AMBRA1: variants seen among roughly 807,000 people sequenced by gnomAD.
AMBRA1 encodes the protein autophagy and beclin 1 regulator 1.
Under a neutral mutation model 125.4 loss-of-function variants are expected in AMBRA1, and 47 were observed. That is an observed-to-expected ratio of 0.37 (90% CI 0.30 to 0.48). The LOEUF (loss-of-function observed/expected upper bound fraction) is 0.48, where lower values mean the gene tolerates loss of function less well. Among genes scored for constraint, AMBRA1 ranks in the 20% least tolerant of loss-of-function variants. The probability of loss-of-function intolerance (pLI) is 0.99; values close to 1 mark genes in which losing one functional copy is unlikely to be tolerated. For synonymous variants in AMBRA1, 626 were observed against 655.5 expected (o/e 0.95, Z 0.69); for missense variants, 1,331 against 1,693.4 (o/e 0.79, Z 3.76).
chr11:46,555,566 A>C (rs775850099), intron 1 of AMBRA1, among the ~76,000 whole-genome samples: 42 of 152,216 alleles, frequency 2.8e-4, no homozygotes, highest in Non-Finnish European at 5.6e-4. Flanking sequence ...AATAGGGCCA[A>C]CTGAAACCCC....
chr11:46,573,882 T>C (rs1344004294), intron 1 of AMBRA1, among the ~76,000 whole-genome samples: 11 of 140,280 alleles, frequency 7.8e-5, no homozygotes, highest in African/African-American at 1.6e-4. Context: ...GATCTCATTG[T>C]TCAATTCCCA....
intron 11 of AMBRA1, 81 bp from the exon 12 acceptor site, chr11:46,443,679 T>C: frequency 8.3e-7 from 1 of 1,211,868 alleles, no homozygotes; most frequent in Non-Finnish European, 1.2e-6. Context: ...ATACTGGGAT[T>C]AGTAGTGGGG....
In AMBRA1 at chr11:46,583,652, C is replaced by CAAAAAAAAAAAAAAAAAAAAAAAAA. The variant is rs1398623719; in HGVS notation, c.-121+10151_-121+10175dup. 2.5e-3 allele frequency among the ~76,000 whole-genome samples: 32 copies of CAAAAAAAAAAAAAAAAAAAAAAAAA among 12,552 alleles called. 4 individuals are homozygous for CAAAAAAAAAAAAAAAAAAAAAAAAA. Among genetic ancestry groups the CAAAAAAAAAAAAAAAAAAAAAAAAA allele is most frequent in the East Asian group, 8.9e-3 (3 of 336 alleles). 8.2% of individuals were successfully genotyped at this position (12,552 alleles called of 152,430 possible). ...TCTACAATGAACTCAAACAAATTTC[C>CAAAAAAAAAAAAAAAAAAAAAAAAA]AAAAAAAAAAAAAAAAAAAAAAAAA... On this transcript the variant is annotated intron_variant, in intron 1 of 17. Transcript: ENST00000683756.
intron 1 of AMBRA1, among the ~76,000 whole-genome samples, chr11:46,592,358 G>A (rs2044633370): frequency 6.6e-6 from 1 of 152,126 alleles, no homozygotes; most frequent in South Asian, 2.1e-4. Context: ...GAACCACAAA[G>A]GAGTTCCCAA....
chr11:46,545,261 A>T (rs760195639), intron 5 of AMBRA1, among the ~76,000 whole-genome samples: 203 of 150,456 alleles, frequency 1.3e-3, no homozygotes, highest in Non-Finnish European at 2.4e-3. Context: ...GGAGTTCAAG[A>T]CCATCCTGGA....
intron 11 of AMBRA1, among the ~76,000 whole-genome samples, chr11:46,449,128 C>G (rs1247562267): frequency 1.3e-5 from 2 of 152,128 alleles, no homozygotes; most frequent in African/African-American, 4.8e-5. Context: ...AGACCAGGAA[C>G]AAGGCAAGGA....
intron 1 of AMBRA1, among the ~76,000 whole-genome samples, chr11:46,585,877 C>T (rs1408114655): frequency 6.7e-6 from 1 of 149,230 alleles, no homozygotes; most frequent in African/African-American, 2.5e-5. Flanking sequence ...ATGATCTCAG[C>T]TCACCACAAC....
chr11:46,492,708 G>T (rs1490336342), intron 11 of AMBRA1, among the ~76,000 whole-genome samples: 1 of 152,152 alleles, frequency 6.6e-6, no homozygotes, highest in Non-Finnish European at 1.5e-5. Flanking sequence ...ACACAGTCAC[G>T]TCATGCCTCA....
chr11:46,492,426 T>A (rs1372158294), intron 11 of AMBRA1, among the ~76,000 whole-genome samples: 1 of 152,216 alleles, frequency 6.6e-6, no homozygotes, highest in Non-Finnish European at 1.5e-5. Flanking sequence ...CTCCCCACCT[T>A]TAACCATCAC....
intron 3 of AMBRA1, 60 bp downstream of exon 3, chr11:46,547,757 G>A: frequency 6.6e-7 from 1 of 1,517,540 alleles, no homozygotes; most frequent in South Asian, 1.2e-5. Context: ...ATCAAGCCAG[G>A]CCAAATATAC....
At chr11:46,431,064 T>C (rs1443590316) in intron 14 of AMBRA1, among the ~76,000 whole-genome samples, 3 of 152,014 alleles carry the variant, frequency 2.0e-5, no homozygotes, top group South Asian at 2.1e-4. Context: ...TCTGGTGCCT[T>C]TGGACGTAAG....
At chr11:46,428,988 G>A (rs1007522312) in intron 14 of AMBRA1, 9 of 1,612,182 alleles carry the variant, frequency 5.6e-6, no homozygotes, top group Non-Finnish European at 3.4e-6. Context: ...ACGTAGCCTC[G>A]GGACTTGAGA....
At chr11:46,561,548 G>GC (rs2135240250) in intron 1 of AMBRA1, among the ~76,000 whole-genome samples, 1 of 152,294 alleles carries the variant, frequency 6.6e-6, no homozygotes, top group South Asian at 2.1e-4. Context: ...TGAGTCTGGA[G>GC]CCAAAGCAGG....
chr11:46,476,307 T>C (rs1157477546), intron 11 of AMBRA1, among the ~76,000 whole-genome samples: 4 of 151,956 alleles, frequency 2.6e-5, no homozygotes, highest in Non-Finnish European at 4.4e-5. Context: ...GGTGAACGAG[T>C]AGGGTGTGCA....
intron 11 of AMBRA1, among the ~76,000 whole-genome samples, chr11:46,451,057 G>C (rs1452228721): frequency 6.6e-6 from 1 of 152,172 alleles, no homozygotes; most frequent in Non-Finnish European, 1.5e-5. Context: ...CATTCTAGGA[G>C]ACAGTGGGAA....
At position 46,558,568 on chromosome 11, in the gene AMBRA1, A is replaced by C. The variant is rs936011638; in HGVS notation, c.-120-10068T>G. On this transcript the variant is annotated intron_variant, in intron 1 of 17. Transcript: ENST00000683756. ...CCTCTCAAAAAAAAAAAAAAAAAAA[A>C]AAAAAACCACTACCTACCTAGTATC... 3.3e-5 allele frequency among the ~76,000 whole-genome samples: 5 copies of C among 151,108 alleles called. 1 individual carries two copies. Among genetic ancestry groups the C allele is most frequent in the South Asian group, 4.1e-4 (2 of 4,826 alleles).
chr11:46,521,262 G>A (rs1447910766), intron 7 of AMBRA1, among the ~76,000 whole-genome samples: 2 of 152,214 alleles, frequency 1.3e-5, no homozygotes, highest in East Asian at 1.9e-4. Context: ...TGCTGCTCAG[G>A]TTAAAGTGCT....
At chr11:46,487,438 C>G (rs898254675) in intron 11 of AMBRA1, among the ~76,000 whole-genome samples, 1 of 151,894 alleles carries the variant, frequency 6.6e-6, no homozygotes, top group African/African-American at 2.4e-5. Flanking sequence ...CTCTGTCTTT[C>G]CCACACCAGG....
At chr11:46,407,898 C>T (rs1465078298) in intron 17 of AMBRA1, among the ~76,000 whole-genome samples, 1 of 152,188 alleles carries the variant, frequency 6.6e-6, no homozygotes, top group Non-Finnish European at 1.5e-5. Flanking sequence ...GCCTGTTTAA[C>T]ACAGCTGCTG....
Sources: allele counts gnomAD v4.1 joint callset (sites outside exome capture counted in the v4.1 genomes callset), GRCh38; gene constraint gnomAD v4.1.1; transcripts MANE v1.5; gene names NCBI Gene and HGNC (gene_info 2026-07-23, HGNC 2026-07-21).